The following MECOM variants were observed in gnomAD, a reference collection of about 807,000 sequenced individuals.
MECOM encodes histone-lysine N-methyltransferase MECOM.
Under a neutral mutation model 116.3 loss-of-function variants are expected in MECOM, and 13 were observed. That is an observed-to-expected ratio of 0.11 (90% confidence interval 0.07 to 0.18). The LOEUF (loss-of-function observed/expected upper bound fraction) is 0.18, where lower values mean the gene tolerates loss of function less well. Ranked by LOEUF, MECOM falls within the 10% of genes least tolerant of loss-of-function variation. MECOM has a pLI of 1.00. For missense variants in MECOM, 1,299 were observed against 1,509.0 expected (o/e 0.86, Z 2.31); for synonymous variants, 528 against 535.2 (o/e 0.99, Z 0.19).
chr3:169,564,563 CAAAT>C lies in MECOM; in HGVS notation c.37+98769_37+98772del, dbSNP rs931302847. Among the ~76,000 whole-genome samples the C allele has an allele frequency of 1.1e-4, 17 of 152,216 alleles. No homozygotes were observed. In the East Asian group the frequency reaches 2.1e-3, roughly 19 times the overall value. On this transcript the variant is annotated intron_variant, in intron 1 of 16. Transcript: ENST00000651503. ...TTTCCACAGCAGGTCTTAGGTTAGT[CAAAT>C]AGAGTTTACTATAATTCAAGTGCCC...
intron 11 of MECOM, 43 bp from the exon 12 acceptor site, chr3:169,101,005 A>T (rs1231985116): frequency 2.1e-6 from 3 of 1,402,094 alleles, no homozygotes; most frequent in Non-Finnish European, 3.0e-6. Context: ...AGCACAGTTG[A>T]CTATATTTCA....
chr3:169,094,165 G>A (rs186068431), intron 13 of MECOM, among the ~76,000 whole-genome samples: 1 of 152,086 alleles, frequency 6.6e-6, no homozygotes, highest in African/African-American at 2.4e-5. Flanking sequence ...AATCAGACAA[G>A]ATCATAAATA....
intron 2 of MECOM, among the ~76,000 whole-genome samples, chr3:169,182,452 G>A (rs1746094066): frequency 6.6e-6 from 1 of 152,190 alleles, no homozygotes; most frequent in South Asian, 2.1e-4. Flanking sequence ...TGAAAAAACA[G>A]TAGAGATCCA....
chr3:169,617,156 C>CA (rs1219699221), intron 1 of MECOM, among the ~76,000 whole-genome samples: 1 of 151,922 alleles, frequency 6.6e-6, no homozygotes, highest in Non-Finnish European at 1.5e-5. Context: ...TTCCCCCTCA[C>CA]AAAAAAGTCT....
intron 2 of MECOM, among the ~76,000 whole-genome samples, chr3:169,308,843 G>A (rs540760992): frequency 9.9e-5 from 15 of 152,266 alleles, no homozygotes; most frequent in Admixed American, 2.6e-4. Flanking sequence ...TAAAAGACAC[G>A]TCTTCCTTCT....
chr3:169,652,659 G>A (rs1036922968), intron 1 of MECOM, among the ~76,000 whole-genome samples: 8 of 152,128 alleles, frequency 5.3e-5, no homozygotes, highest in African/African-American at 1.9e-4. Flanking sequence ...TGAATTAAGG[G>A]AACAGAGTTG....
chr3:169,443,798 C>T (rs540173642), intron 1 of MECOM, among the ~76,000 whole-genome samples: 12 of 152,282 alleles, frequency 7.9e-5, no homozygotes, highest in South Asian at 2.1e-4. Context: ...TTTTAGCAAT[C>T]GCTCCCTGAG....
intron 2 of MECOM, among the ~76,000 whole-genome samples, chr3:169,339,396 A>G (rs1047056064): frequency 2.0e-5 from 3 of 152,138 alleles, no homozygotes; most frequent in African/African-American, 4.8e-5. Flanking sequence ...CTCTACAGCT[A>G]AAGTTTGAGA....
At chr3:169,157,313 A>T (rs1266723085) in intron 2 of MECOM, among the ~76,000 whole-genome samples, 1 of 152,210 alleles carries the variant, frequency 6.6e-6, no homozygotes, top group East Asian at 1.9e-4. Flanking sequence ...GCGTTAAGAA[A>T]CAATGAATGT....
Position 169,557,464 on chromosome 3 carries a change from T to A in MECOM, c.37+105872A>T, listed in dbSNP as rs143314200. ...AGACACTGGAGCATAAAATATCTTT[T>A]TACTTCACCAATTTGAACACCAGAG... On this transcript the variant is annotated intron_variant, in intron 1 of 16. Transcript: ENST00000651503. 3.7e-4 allele frequency among the ~76,000 whole-genome samples: 56 copies of A among 152,312 alleles called. 1 individual carries two copies. The East Asian group carries it at 0.01, about 28-fold the overall frequency.
At chr3:169,146,205 G>A (rs1339471773) in intron 2 of MECOM, 8 of 958,882 alleles carry the variant, frequency 8.3e-6, no homozygotes, top group South Asian at 3.6e-5. Context: ...ACAGCAAAAG[G>A]AAAAAAAAAA....
intron 1 of MECOM, among the ~76,000 whole-genome samples, chr3:169,452,177 G>A (rs16853768): frequency 0.044 from 6,625 of 151,820 alleles, 476 homozygotes; most frequent in East Asian, 0.2. Context: ...ACTCACGGCC[G>A]ATGCCCAACT....
chr3:169,282,382 C>T (rs1345543686), intron 2 of MECOM, among the ~76,000 whole-genome samples: 1 of 152,072 alleles, frequency 6.6e-6, no homozygotes, highest in Non-Finnish European at 1.5e-5. Context: ...AGGTATCCCC[C>T]CAGATATGCT....
intron 2 of MECOM, among the ~76,000 whole-genome samples, chr3:169,157,760 G>C (rs986518408): frequency 3.9e-5 from 6 of 152,126 alleles, no homozygotes; most frequent in African/African-American, 1.4e-4. Flanking sequence ...TGTAGTTCTT[G>C]GCTGGAAAAC....
chr3:169,258,245 A>G (rs985669780), intron 2 of MECOM, among the ~76,000 whole-genome samples: 3 of 152,104 alleles, frequency 2.0e-5, no homozygotes, highest in Non-Finnish European at 4.4e-5. Context: ...AAGAAAAAGA[A>G]AAAGTAGATT....
intron 2 of MECOM, among the ~76,000 whole-genome samples, chr3:169,204,888 C>T (rs1397917702): frequency 1.3e-5 from 2 of 152,132 alleles, no homozygotes; most frequent in African/African-American, 4.8e-5. Flanking sequence ...TTGAGTGTGA[C>T]CCAAATAGGA....
chr3:169,244,192 T>C (rs1245400391), intron 2 of MECOM, among the ~76,000 whole-genome samples: 1 of 152,234 alleles, frequency 6.6e-6, no homozygotes, highest in Non-Finnish European at 1.5e-5. Flanking sequence ...CATTAAAATC[T>C]ACCTAAAACA....
At chr3:169,317,569 A>C (rs1385088266) in intron 2 of MECOM, among the ~76,000 whole-genome samples, 1 of 152,172 alleles carries the variant, frequency 6.6e-6, no homozygotes, top group Non-Finnish European at 1.5e-5. Context: ...ACTTCAAGAA[A>C]CGAAATCCTG....
intron 1 of MECOM, among the ~76,000 whole-genome samples, chr3:169,523,019 T>C (rs914278009): frequency 1.3e-5 from 2 of 152,230 alleles, no homozygotes; most frequent in African/African-American, 4.8e-5. Flanking sequence ...TATGACATCA[T>C]GTTATAGATG....
Sources: allele counts gnomAD v4.1 joint callset (sites outside exome capture counted in the v4.1 genomes callset), GRCh38; gene constraint gnomAD v4.1.1; transcripts MANE v1.5; gene names NCBI Gene and HGNC (gene_info 2026-07-23, HGNC 2026-07-21).